Variants in RBM47 observed in about 807,000 individuals in gnomAD.
The protein encoded by RBM47 is RNA binding motif protein 47.
In RBM47, 21 loss-of-function variants were observed where a neutral mutation model predicts 47.1. The ratio of observed to expected loss-of-function variants is 0.45; its 90% CI spans 0.32 to 0.64. The LOEUF (loss-of-function observed/expected upper bound fraction) is 0.64. Ranked by LOEUF, RBM47 falls within the 30% of genes least tolerant of loss-of-function variation. RBM47 has a pLI of 0.05. For synonymous variants in RBM47, 375 were observed against 361.7 expected, an observed-to-expected ratio of 1.04 and a Z score of -0.42; for missense variants, 708 against 870.9, an observed-to-expected ratio of 0.81 and a Z score of 2.35.
Position 40,426,024 on chromosome 4 carries a change from TGTGGCGATC to T in RBM47, c.1653_1661del (p.Ile552_Thr554del). The T allele has an allele frequency of 6.2e-7, 1 of 1,614,202 alleles. No individual in the cohort carries two copies. The highest frequency in any genetic ancestry group is 1.3e-5 in the African/African-American group (1 of 75,032). ...CCGCGGCTGCCGCGTTCTTCTGTAG[TGTGGCGATC>T]GTGGCTGTAGCTGGAGCAGCAAATG... On this transcript the variant is annotated inframe_deletion, in exon 7 of 7. Coordinates refer to ENST00000295971, the MANE Select transcript of RBM47 (RefSeq NM_001098634.2).
chr4:40,509,160 A>AAAT, intron 2 of RBM47, among the ~76,000 whole-genome samples: 1 of 146,448 alleles, frequency 6.8e-6, no homozygotes, highest in Middle Eastern at 3.5e-3. Context: ...CCTCCATCTC[A>AAAT]AAATAAATAA....
intron 4 of RBM47, 61 bp downstream of exon 4, chr4:40,437,710 G>T: frequency 6.8e-7 from 1 of 1,469,578 alleles, no homozygotes. Flanking sequence ...TATCCCTGGT[G>T]CCCCCTGCCT....
intron 1 of RBM47, among the ~76,000 whole-genome samples, chr4:40,600,254 C>A (rs1363419261): frequency 6.6e-6 from 1 of 151,316 alleles, no homozygotes; most frequent in Non-Finnish European, 1.5e-5. Flanking sequence ...CTCAAACAAT[C>A]CTCCTGTCTC....
chr4:40,585,589 T>C (rs984216310), intron 1 of RBM47, among the ~76,000 whole-genome samples: 2 of 152,162 alleles, frequency 1.3e-5, no homozygotes, highest in African/African-American at 4.8e-5. Context: ...GTAACCACAA[T>C]AGGTGGGGTG....
At chr4:40,526,535 ATT>A (rs1011645731) in intron 2 of RBM47, among the ~76,000 whole-genome samples, 2 of 151,916 alleles carry the variant, frequency 1.3e-5, no homozygotes, top group African/African-American at 4.8e-5. Context: ...GTTACATATT[ATT>A]CTTTTATTTG....
intron 1 of RBM47, among the ~76,000 whole-genome samples, chr4:40,552,178 C>G (rs890468465): frequency 6.6e-6 from 1 of 151,878 alleles, no homozygotes; most frequent in Non-Finnish European, 1.5e-5. Context: ...GCAGGTGGAT[C>G]ACGAGGTCAG....
At chr4:40,621,305 C>T (rs550053420) in intron 1 of RBM47, among the ~76,000 whole-genome samples, 2 of 152,198 alleles carry the variant, frequency 1.3e-5, no homozygotes, top group Middle Eastern at 3.4e-3. Flanking sequence ...CCAAAGGCCA[C>T]GAAAAGCAAT....
rs1560337968 is a variant in RBM47, at chr4:40,424,186, C to T, written c.*1718G>A. On this transcript the variant is annotated 3_prime_UTR_variant, in exon 7 of 7. Coordinates refer to ENST00000295971, the MANE Select transcript of RBM47 (RefSeq NM_001098634.2). ...CTAAGGGCATGATCCTCTTATGAATCCACAAGAATTCAGCCATCAACAAAA... is the reference window on the plus strand; with the variant it reads ...CTAAGGGCATGATCCTCTTATGAATTCACAAGAATTCAGCCATCAACAAAA... 6.6e-6 allele frequency: 1 copy of T among 152,246 alleles called. No individual in the cohort carries two copies. Among genetic ancestry groups the T allele is most frequent in the East Asian group, 1.9e-4 (1 of 5,182 alleles). 9.4% of individuals were successfully genotyped at this position (152,246 alleles called of 1,614,324 possible).
Position 40,570,882 on chromosome 4 carries a change from A to C in RBM47, c.-239-26376T>G, listed in dbSNP as rs980002338. 6.6e-5 allele frequency among the ~76,000 whole-genome samples: 10 copies of C among 152,016 alleles called. 1 individual carries two copies. The highest frequency in any genetic ancestry group is 4.6e-4 in the Admixed American group (7 of 15,268). ...GACAGACTTCCAAACTAACAGAGGA[A>C]ACAGTGGAATGATACAACACAGACA... On this transcript the variant is annotated intron_variant, in intron 1 of 6. Coordinates refer to ENST00000295971, the MANE Select transcript of RBM47 (RefSeq NM_001098634.2).
chr4:40,432,930 C>T, intron 5 of RBM47, 68 bp from the exon 6 acceptor site: 2 of 1,545,890 alleles, frequency 1.3e-6, no homozygotes, highest in Non-Finnish European at 1.7e-6. Context: ...CCAGCACTTG[C>T]TCTAAGATAT....
At chr4:40,559,262 TAATA>T (rs929607568) in intron 1 of RBM47, among the ~76,000 whole-genome samples, 40 of 152,290 alleles carry the variant, frequency 2.6e-4, no homozygotes, top group African/African-American at 9.6e-4. Context: ...GGAGAGAGCC[TAATA>T]AATATTTTTC....
intron 6 of RBM47, among the ~76,000 whole-genome samples, chr4:40,428,782 C>T (rs1025800499): frequency 3.9e-5 from 6 of 152,108 alleles, no homozygotes; most frequent in Admixed American, 2.6e-4. Context: ...TTTATGATAG[C>T]ATTCACCACA....
intron 1 of RBM47, among the ~76,000 whole-genome samples, chr4:40,598,630 TA>T: frequency 6.6e-6 from 1 of 152,036 alleles, no homozygotes. Flanking sequence ...TTTTTAAAAA[TA>T]AAATGCTGCT....
rs1481065496 is a variant in RBM47 at position 40,424,903 on chromosome 4, T to C, written c.*1001A>G. ...TAAATAGCTATGCAAAGGTGTCTTA[T>C]GCAACTCGATTAAAACCTTGTGCTT... On this transcript the variant is annotated 3_prime_UTR_variant, in exon 7 of 7. Transcript: ENST00000295971. 2 of 152,068 alleles carry C rather than the reference T, an allele frequency of 1.3e-5. No individual in the cohort carries two copies. The highest frequency in any genetic ancestry group is 2.9e-5 in the Non-Finnish European group (2 of 68,032). The allele number at this position is 152,068 out of a possible 1,614,324, so 9.4% of individuals were successfully genotyped here. A position where few individuals can be genotyped will look rare whatever the true frequency, so the allele number is the denominator to read the frequency against.
At chr4:40,595,658 A>C (rs4861269) in intron 1 of RBM47, among the ~76,000 whole-genome samples, 49,564 of 151,638 alleles carry the variant, frequency 0.33, 9,083 homozygotes, top group African/African-American at 0.49. Context: ...GAGGCTGAGA[A>C]AGGAGGATCA....
At chr4:40,599,739 G>GA (rs34255711) in intron 1 of RBM47, among the ~76,000 whole-genome samples, 9,386 of 138,602 alleles carry the variant, frequency 0.068, 992 homozygotes, top group African/African-American at 0.22. Flanking sequence ...AAATGAATTA[G>GA]AAAAAAAAAA....
chr4:40,521,652 G>C (rs897691955), intron 2 of RBM47, among the ~76,000 whole-genome samples: 4 of 152,186 alleles, frequency 2.6e-5, no homozygotes, highest in Non-Finnish European at 4.4e-5. Flanking sequence ...TACATTACTT[G>C]ATAAAACAAA....
In RBM47 at chr4:40,425,711, A is replaced by G; in HGVS notation, c.*193T>C. ...AAGTCTTTTGGAAATGTATGAACGT[A>G]GGCATGCTAAGTTGAAAATAGTCTT... On this transcript the variant is annotated 3_prime_UTR_variant, in exon 7 of 7. Coordinates refer to ENST00000295971, the MANE Select transcript of RBM47 (RefSeq NM_001098634.2). 1 of 750,312 alleles carries G rather than the reference A, an allele frequency of 1.3e-6. No homozygotes were observed. The highest frequency in any genetic ancestry group is 2.0e-6 in the Non-Finnish European group (1 of 488,918). 46.5% of individuals were successfully genotyped at this position (750,312 alleles called of 1,614,324 possible). A position where few individuals can be genotyped will look rare whatever the true frequency, so the allele number is the denominator to read the frequency against.
intron 2 of RBM47, among the ~76,000 whole-genome samples, chr4:40,506,649 T>G (rs1360682266): frequency 6.6e-6 from 1 of 152,194 alleles, no homozygotes; most frequent in East Asian, 1.9e-4. Flanking sequence ...GCTTCCAAGT[T>G]ACCTTCTGGC....
Sources: allele counts gnomAD v4.1 joint callset (sites outside exome capture counted in the v4.1 genomes callset), GRCh38; gene constraint gnomAD v4.1.1; transcripts MANE v1.5; gene names NCBI Gene and HGNC (gene_info 2026-07-23, HGNC 2026-07-21).